Variants in VPS13A observed in about 807,000 individuals in gnomAD.
VPS13A encodes the protein intermembrane lipid transfer protein VPS13A.
In VPS13A, 264 loss-of-function variants were observed where a neutral mutation model predicts 390.9. The ratio of observed to expected loss-of-function variants is 0.68; its 90% CI spans 0.61 to 0.75. The LOEUF is 0.75. VPS13A is among the 30% of genes least tolerant of loss of function. The pLI, the probability that VPS13A is intolerant of heterozygous loss-of-function variation, is 0.00. For synonymous variants in VPS13A, 1,231 were observed against 1,227.1 expected (o/e 1.00, Z -0.07); for missense variants, 3,409 against 3,733.9 (o/e 0.91, Z 2.27).
chr9:77,210,148 T>TCCCC (rs1825885776), intron 6 of VPS13A, among the ~76,000 whole-genome samples: 1 of 107,838 alleles, frequency 9.3e-6, no homozygotes, highest in Non-Finnish European at 1.8e-5. Flanking sequence ...CCTCCCTTCC[T>TCCCC]CCCCCCACCT....
At position 77,373,023 on chromosome 9, in the gene VPS13A, G is replaced by A. The variant is rs1333985692; in HGVS notation, c.9077+1874G>A. On this transcript the variant is annotated intron_variant, in intron 67 of 71. Coordinates refer to ENST00000360280, the MANE Select transcript of VPS13A (RefSeq NM_033305.3). ...ATGGAAGAACATTCCATGCTCATGG[G>A]TAGGAAGAATCAATATCGTGAAAAT... Among the ~76,000 whole-genome samples, 4 of 152,244 alleles carry A rather than the reference G, an allele frequency of 2.6e-5. No homozygotes were observed. The East Asian group carries it at 5.8e-4, about 22-fold the overall frequency.
intron 22 of VPS13A, among the ~76,000 whole-genome samples, chr9:77,255,966 C>G (rs1005100016): frequency 1.3e-5 from 2 of 151,434 alleles, no homozygotes; most frequent in Non-Finnish European, 3.0e-5. Context: ...TGATTTTTTT[C>G]TCTATTGTTT....
chr9:77,282,678 T>C (rs1191262243), intron 29 of VPS13A, among the ~76,000 whole-genome samples: 1 of 152,160 alleles, frequency 6.6e-6, no homozygotes, highest in Non-Finnish European at 1.5e-5. Flanking sequence ...ATGCCTGTGA[T>C]CCCAGTGACC....
rs1835318504 is a variant in VPS13A, at chr9:77,420,862, A to G, written c.*4856A>G. ...ACCTCCGGTGTTCAGTTTGTTACTC[A>G]AAAGTTCCCAGTTCTTAGGCTGAAA... On this transcript the variant is annotated 3_prime_UTR_variant, in exon 72 of 72. Transcript: ENST00000360280. 1 of 152,310 alleles carries G rather than the reference A, an allele frequency of 6.6e-6. No individual in the cohort carries two copies. The highest frequency in any genetic ancestry group is 1.9e-4 in the East Asian group (1 of 5,190). The allele number at this position is 152,310 out of a possible 1,614,324, so 9.4% of individuals were successfully genotyped here. A position where few individuals can be genotyped will look rare whatever the true frequency, so the allele number is the denominator to read the frequency against.
chr9:77,189,915 G>T (rs535209397), intron 1 of VPS13A, among the ~76,000 whole-genome samples: 6 of 152,088 alleles, frequency 3.9e-5, no homozygotes, highest in African/African-American at 1.2e-4. Flanking sequence ...GATGTTATTG[G>T]TATATAGAAA....
intron 3 of VPS13A, among the ~76,000 whole-genome samples, chr9:77,203,238 A>G (rs1438802574): frequency 6.6e-6 from 1 of 152,192 alleles, no homozygotes; most frequent in Non-Finnish European, 1.5e-5. Context: ...GAAATTTGCC[A>G]AATTTTCTAC....
intron 68 of VPS13A, among the ~76,000 whole-genome samples, chr9:77,392,725 CTA>C (rs1456579193): frequency 1.3e-5 from 2 of 148,452 alleles, no homozygotes; most frequent in African/African-American, 5.0e-5. Flanking sequence ...TATATATACA[CTA>C]TATAAAACTA....
intron 27 of VPS13A, among the ~76,000 whole-genome samples, chr9:77,281,618 G>T (rs575814311): frequency 1.3e-5 from 2 of 152,042 alleles, no homozygotes; most frequent in Admixed American, 1.3e-4. Context: ...TTAATAATAA[G>T]AATGATAGTA....
intron 10 of VPS13A, 130 bp from the exon 11 acceptor site, chr9:77,219,824 G>A: frequency 1.1e-6 from 1 of 899,282 alleles, no homozygotes. Flanking sequence ...AACCATGGCA[G>A]TGTGAACATC....
intron 46 of VPS13A, among the ~76,000 whole-genome samples, chr9:77,335,130 G>C (rs577262277): frequency 6.6e-6 from 1 of 152,190 alleles, no homozygotes; most frequent in Non-Finnish European, 1.5e-5. Context: ...ATAAAGGACA[G>C]TGTTGTCTCA....
chr9:77,377,427 G>A (rs1327714925), intron 67 of VPS13A, among the ~76,000 whole-genome samples: 1 of 151,872 alleles, frequency 6.6e-6, no homozygotes, highest in Non-Finnish European at 1.5e-5. Flanking sequence ...CACCTTGTTA[G>A]CCAGGATGGT....
chr9:77,318,462 T>C lies in VPS13A; in HGVS notation c.5184T>C (p.Ser1728=), dbSNP rs73467954. Residue 1728 remains serine (S), a synonymous_variant, in exon 41 of 72, where the codon TCT becomes TCC. Transcript: ENST00000360280. ...AGATGATAAAAATGAACATTGATTC[T>C]ATTTTTATAGTTCTTGAGGCTGGAA... The part of the protein sequence containing the change: ...KGEMIKMNID[S]IFIVLEAGIG... 6.8e-4 allele frequency: 1,105 copies of C among 1,613,886 alleles called. 5 individuals carry two copies. The African/African-American group carries it at 0.013, about 18-fold the overall frequency.
In VPS13A at chr9:77,416,016, C is replaced by T. The variant is rs749527583; in HGVS notation, c.*10C>T. ...TTCTCCGAGCCTCTGACAGAGAACA[C>T]TGCCTGAAGACACACAGCAATAAGT... is the stretch of plus-strand genomic sequence containing the variant. On this transcript the variant is annotated 3_prime_UTR_variant, in exon 72 of 72. Coordinates refer to ENST00000360280, the MANE Select transcript of VPS13A (RefSeq NM_033305.3). 1 of 1,613,268 alleles carries T rather than the reference C, an allele frequency of 6.2e-7. No individual in the cohort carries two copies. The highest frequency in any genetic ancestry group is 1.7e-5 in the Admixed American group (1 of 60,002).
chr9:77,369,031 G>A (rs1832596751), intron 62 of VPS13A, among the ~76,000 whole-genome samples: 1 of 152,098 alleles, frequency 6.6e-6, no homozygotes, highest in South Asian at 2.1e-4. Flanking sequence ...CTTGGGAGGA[G>A]GAGGCACAAT....
Position 77,282,175 on chromosome 9 carries a change from A to G in VPS13A, c.3019A>G (p.Ile1007Val). Residue 1007 changes from isoleucine to valine, a missense_variant, in exon 29 of 72, where the codon ATA (isoleucine) becomes GTA (valine). By Grantham distance (29) the Ile-to-Val change is conservative. Transcript: ENST00000360280. The stretch of plus-strand genomic sequence containing the variant: ...ACACACTGAAGCACTTCTGAATACA[A>G]TAAATTATCTTCATAATATCCTTCC... The part of the protein sequence containing the change: ...HLHTEALLNT[I>V]NYLHNILPQS... The G allele has an allele frequency of 8.7e-6, 14 of 1,613,614 alleles. No homozygotes were observed. Among genetic ancestry groups the G allele is most frequent in the Non-Finnish European group, 1.2e-5 (14 of 1,179,644 alleles).
At chr9:77,369,448 A>C in intron 63 of VPS13A, 36 bp downstream of exon 63, 1 of 1,304,286 alleles carries the variant, frequency 7.7e-7, no homozygotes, top group Non-Finnish European at 1.1e-6. Context: ...GCAATATGTC[A>C]CTAATACTTT....
In VPS13A at chr9:77,205,298, C is replaced by G. The variant is rs1362962823; in HGVS notation, c.188-15C>G. 7.5e-7 allele frequency: 1 copy of G among 1,340,536 alleles called. No individual in the cohort carries two copies. Among genetic ancestry groups the G allele is most frequent in the African/African-American group, 1.5e-5 (1 of 66,006 alleles). 83.0% of individuals were successfully genotyped at this position (1,340,536 alleles called of 1,614,324 possible). A position where few individuals can be genotyped will look rare whatever the true frequency, so the allele number is the denominator to read the frequency against. Reference sequence around the variant, plus strand: ...AATATTTTTTGTCCTTTTTTTTTTTCCCAAAAAAATGTAGGTAATCTTAAA... The same window carrying G: ...AATATTTTTTGTCCTTTTTTTTTTTGCCAAAAAAATGTAGGTAATCTTAAA... On this transcript the variant is annotated splice_polypyrimidine_tract_variant and intron_variant, in intron 3 of 71. Transcript: ENST00000360280.
intron 45 of VPS13A, among the ~76,000 whole-genome samples, chr9:77,329,922 A>G (rs976197411): frequency 6.6e-6 from 1 of 152,216 alleles, no homozygotes; most frequent in African/African-American, 2.4e-5. Flanking sequence ...ATCTATGTTC[A>G]TCCTGCTATC....
At chr9:77,286,274 A>T (rs1296425508) in intron 31 of VPS13A, among the ~76,000 whole-genome samples, 3 of 152,178 alleles carry the variant, frequency 2.0e-5, no homozygotes, top group South Asian at 4.1e-4. Context: ...TGTTGGTCAG[A>T]TGGGACATCG....
Sources: gnomAD v4.1 joint callset for allele counts (sites outside exome capture counted in the v4.1 genomes callset) on GRCh38, gnomAD v4.1.1 for gene constraint, MANE v1.5 for transcripts, NCBI Gene and HGNC (gene_info 2026-07-23, HGNC 2026-07-21) for gene names.